The following STX2 variants were observed in gnomAD, a reference collection of about 807,000 sequenced individuals.
The protein encoded by STX2 is syntaxin 2.
Under a neutral mutation model 40.6 loss-of-function variants are expected in STX2, and 27 were observed. The observed-to-expected ratio is 0.66, with a 90% CI of 0.49 to 0.92. The LOEUF is 0.92. Among genes scored for constraint, STX2 ranks in the 40% least tolerant of loss-of-function variants. STX2 has a pLI of 0.00. For synonymous variants in STX2, 123 were observed against 119.1 expected (o/e 1.03, Z -0.22); for missense variants, 328 against 366.1 (o/e 0.90, Z 0.85).
chr12:130,798,706 T>C (rs1951114415), intron 8 of STX2, 71 bp from the exon 9 acceptor site: 6 of 1,215,300 alleles, frequency 4.9e-6, no homozygotes, highest in East Asian at 5.1e-5. Flanking sequence ...AAGACAACCA[T>C]AGAACAAAGG....
intron 4 of STX2, chr12:130,812,362 GC>G: frequency 2.2e-6 from 1 of 454,436 alleles, no homozygotes; most frequent in South Asian, 1.6e-5. Context: ...GGGAGCGGGT[GC>G]GGGTGGGAGC....
intron 2 of STX2, among the ~76,000 whole-genome samples, chr12:130,825,852 A>T (rs1474888776): frequency 6.6e-6 from 1 of 152,050 alleles, no homozygotes; most frequent in Admixed American, 6.6e-5. Flanking sequence ...TCATTAAAAA[A>T]CCCACTGGAC....
At chr12:130,828,766 G>C (rs1231918638) in intron 1 of STX2, among the ~76,000 whole-genome samples, 1 of 151,426 alleles carries the variant, frequency 6.6e-6, no homozygotes, top group African/African-American at 2.4e-5. Flanking sequence ...TACTCGGGAG[G>C]CTGAGGCAGG....
intron 1 of STX2, among the ~76,000 whole-genome samples, chr12:130,834,651 G>A (rs531586107): frequency 6.6e-6 from 1 of 152,244 alleles, no homozygotes; most frequent in African/African-American, 2.4e-5. Flanking sequence ...CAAACTAAAG[G>A]ACATGTTTAG....
intron 9 of STX2, among the ~76,000 whole-genome samples, chr12:130,797,496 G>A (rs542832179): frequency 6.6e-5 from 10 of 152,250 alleles, no homozygotes; most frequent in African/African-American, 2.2e-4. Context: ...CAGCCCGGGG[G>A]TGTGAGTGAG....
At chr12:130,803,427 C>T (rs1016827430) in intron 6 of STX2, among the ~76,000 whole-genome samples, 3 of 152,052 alleles carry the variant, frequency 2.0e-5, no homozygotes, top group African/African-American at 4.8e-5. Flanking sequence ...AAACATGAAA[C>T]TTGTTCTAAA....
At chr12:130,838,490 CTGTTCGCGCTCGCCCCACCCCAA>C (rs1356857443) in intron 1 of STX2, among the ~76,000 whole-genome samples, 1 of 152,176 alleles carries the variant, frequency 6.6e-6, no homozygotes, top group Non-Finnish European at 1.5e-5. Flanking sequence ...ACACAAGCTG[CTGTTCGCGCTCGCCCCACCCCAA>C]GCACCCAGCA....
chr12:130,827,440 A>C (rs1380804797), intron 1 of STX2, among the ~76,000 whole-genome samples, 173 bp from the exon 2 acceptor site: 1 of 152,206 alleles, frequency 6.6e-6, no homozygotes, highest in Non-Finnish European at 1.5e-5. Flanking sequence ...CAACATTTTC[A>C]ACACAACAGA....
chr12:130,818,208 ATATATATAT>A, intron 3 of STX2, among the ~76,000 whole-genome samples: 1 of 127,106 alleles, frequency 7.9e-6, no homozygotes, highest in South Asian at 2.3e-4. Context: ...ATATATATAT[ATATATATAT>A]AAAATTATCT....
At chr12:130,821,505 GAAAA>G in intron 3 of STX2, among the ~76,000 whole-genome samples, 180 bp downstream of exon 3, 1 of 149,216 alleles carries the variant, frequency 6.7e-6, no homozygotes, top group South Asian at 2.1e-4. Context: ...GCAGCTTTAA[GAAAA>G]AAAAAACATA....
chr12:130,819,986 T>C (rs747527067), intron 3 of STX2, among the ~76,000 whole-genome samples: 16 of 152,248 alleles, frequency 1.1e-4, no homozygotes, highest in Non-Finnish European at 2.2e-4. Flanking sequence ...TTTTACAAGA[T>C]ACATAAAATT....
Position 130,790,194 on chromosome 12 carries a change from C to G in STX2, c.*1829G>C, listed in dbSNP as rs1484295606. The stretch of plus-strand genomic sequence containing the variant: ...AAAGAACAGTCAGAGGCAGAATTCC[C>G]CTAGTAACTGCCACACAGTGACCAC... On this transcript the variant is annotated 3_prime_UTR_variant, in exon 11 of 11. Transcript: ENST00000392373. 1.3e-5 allele frequency: 2 copies of G among 152,202 alleles called. No individual in the cohort carries two copies. The highest frequency in any genetic ancestry group is 4.8e-5 in the African/African-American group (2 of 41,444). The allele number at this position is 152,202 out of a possible 1,614,324, so 9.4% of individuals were successfully genotyped here.
chr12:130,834,474 C>T (rs764173509), intron 1 of STX2, among the ~76,000 whole-genome samples: 5 of 152,078 alleles, frequency 3.3e-5, no homozygotes, highest in East Asian at 1.9e-4. Context: ...CGTATCAGTC[C>T]GGAGGCAGGA....
intron 1 of STX2, among the ~76,000 whole-genome samples, chr12:130,830,405 C>T (rs1036715794): frequency 3.3e-5 from 5 of 151,628 alleles, no homozygotes; most frequent in Admixed American, 1.3e-4. Flanking sequence ...TCCCATGCTG[C>T]GCGATGCACC....
intron 1 of STX2, among the ~76,000 whole-genome samples, chr12:130,838,774 C>T (rs986615533): frequency 3.9e-5 from 6 of 152,094 alleles, no homozygotes; most frequent in Non-Finnish European, 8.8e-5. Context: ...GAGGCCGGGA[C>T]CTTCCCCGCT....
At chr12:130,794,322 C>A (rs771232640) in intron 10 of STX2, among the ~76,000 whole-genome samples, 1 of 149,992 alleles carries the variant, frequency 6.7e-6, no homozygotes, top group African/African-American at 2.5e-5. Context: ...TAAAAATAGA[C>A]GGTAAGAGAG....
chr12:130,807,426 C>T (rs1951479100), intron 5 of STX2, among the ~76,000 whole-genome samples: 1 of 151,382 alleles, frequency 6.6e-6, no homozygotes, highest in African/African-American at 2.4e-5. Context: ...CGTGCTTCAT[C>T]GCCTTGTGCC....
intron 8 of STX2, among the ~76,000 whole-genome samples, chr12:130,800,454 C>CT (rs1193296872): frequency 6.6e-6 from 1 of 152,106 alleles, no homozygotes; most frequent in Non-Finnish European, 1.5e-5. Context: ...TTAAGAATTG[C>CT]ATTAACTCTT....
chr12:130,826,620 C>A (rs1006710472), intron 2 of STX2, among the ~76,000 whole-genome samples: 1 of 152,268 alleles, frequency 6.6e-6, no homozygotes, highest in South Asian at 2.1e-4. Context: ...AGAGAACTTA[C>A]GTAATTCAAA....
Sources: allele counts gnomAD v4.1 joint callset (sites outside exome capture counted in the v4.1 genomes callset), GRCh38; gene constraint gnomAD v4.1.1; transcripts MANE v1.5; gene names NCBI Gene and HGNC (gene_info 2026-07-23, HGNC 2026-07-21).